PTPRK: variants seen among roughly 807,000 people sequenced by gnomAD.
PTPRK encodes protein tyrosine phosphatase receptor type K, also known as receptor-type tyrosine-protein phosphatase kappa.
In PTPRK, 75 loss-of-function variants were observed where a neutral mutation model predicts 178.0. The ratio of observed to expected loss-of-function variants is 0.42; its 90% CI spans 0.35 to 0.51. The LOEUF is 0.51. Ranked by LOEUF, PTPRK falls within the 20% of genes least tolerant of loss-of-function variation. The pLI, the probability that PTPRK is intolerant of heterozygous loss-of-function variation, is 0.02. For missense variants in PTPRK, 1,441 were observed against 1,797.8 expected, an observed-to-expected ratio of 0.80 and a Z score of 3.59; for synonymous variants, 637 against 620.6, an observed-to-expected ratio of 1.03 and a Z score of -0.39.
chr6:128,392,389 T>C (rs898584399), intron 2 of PTPRK, among the ~76,000 whole-genome samples: 1 of 152,232 alleles, frequency 6.6e-6, no homozygotes, highest in Admixed American at 6.5e-5. Flanking sequence ...TTTTAAATAC[T>C]ATCAAATAAG....
intron 3 of PTPRK, among the ~76,000 whole-genome samples, chr6:128,318,262 T>C (rs1339195): frequency 0.97 from 147,840 of 152,262 alleles, 71,913 homozygotes; most frequent in South Asian, 1. Context: ...CAAGTAAAAA[T>C]GGTCACTTGG....
At chr6:128,344,501 C>A (rs533931969) in intron 2 of PTPRK, among the ~76,000 whole-genome samples, 1 of 152,062 alleles carries the variant, frequency 6.6e-6, no homozygotes, top group East Asian at 1.9e-4. Context: ...ATTATTCAGT[C>A]TTTTATCCAC....
intron 9 of PTPRK, among the ~76,000 whole-genome samples, chr6:128,082,982 TTTATTA>T (rs958902896): frequency 6.6e-6 from 1 of 152,096 alleles, no homozygotes. Flanking sequence ...TCAACAAATT[TTTATTA>T]TTATTAACAT....
chr6:128,354,231 G>GGTTTTTTTTTTTTTTTTTTT (rs1562341681), intron 2 of PTPRK, among the ~76,000 whole-genome samples: 2 of 49,358 alleles, frequency 4.1e-5, no homozygotes, highest in African/African-American at 9.4e-5. Flanking sequence ...TTTTGTTTAT[G>GGTTTTTTTTTTTTTTTTTTT]TTTTTTTTTT....
rs1172450853 is a variant in PTPRK at position 128,520,424 on chromosome 6, A to G, written c.-66T>C. On this transcript the variant is annotated 5_prime_UTR_variant, in exon 1 of 30. Transcript: ENST00000368226. ...TGCCGGGGGGATCGCCGCGAAATCC[A>G]CGACGGAGGAGCGGGCCGGGCCTCG... 3 of 1,479,502 alleles carry G rather than the reference A, an allele frequency of 2.0e-6. No individual in the cohort carries two copies. The highest frequency in any genetic ancestry group is 2.8e-6 in the Non-Finnish European group (3 of 1,081,878). The allele number at this position is 1,479,502 out of a possible 1,614,324, so 91.6% of individuals were successfully genotyped here. A position where few individuals can be genotyped will look rare whatever the true frequency, so the allele number is the denominator to read the frequency against.
At position 128,433,826 on chromosome 6, in the gene PTPRK, GT is replaced by G. The variant is rs563277558; in HGVS notation, c.101-36139del. Among the ~76,000 whole-genome samples, 591 of 129,258 alleles carry G rather than the reference GT, an allele frequency of 4.6e-3. 4 individuals are homozygous for G. Among genetic ancestry groups the G allele is most frequent in the Middle Eastern group, 0.017 (4 of 236 alleles). The allele number at this position is 129,258 out of a possible 152,430, so 84.8% of individuals were successfully genotyped here. A position where few individuals can be genotyped will look rare whatever the true frequency, so the allele number is the denominator to read the frequency against. ...GCTACCATGCCCAGCCTCTAACACT[GT>G]TTTTTTTTTTTTTTTACAGACATTT... On this transcript the variant is annotated intron_variant, in intron 1 of 29. Transcript: ENST00000368226.
intron 24 of PTPRK, among the ~76,000 whole-genome samples, 173 bp downstream of exon 24, chr6:127,982,658 A>G (rs1029183949): frequency 1.3e-5 from 2 of 152,216 alleles, no homozygotes; most frequent in African/African-American, 4.8e-5. Flanking sequence ...GTAGATATAA[A>G]TTCATCAATA....
At chr6:128,508,784 AAC>A in intron 1 of PTPRK, among the ~76,000 whole-genome samples, 1 of 152,192 alleles carries the variant, frequency 6.6e-6, no homozygotes, top group Non-Finnish European at 1.5e-5. Flanking sequence ...CTCTACTAAA[AAC>A]ACAAAAAAAT....
Position 128,435,322 on chromosome 6 carries a change from A to G in PTPRK, c.101-37634T>C, listed in dbSNP as rs537153568. Reference sequence around the variant, plus strand: ...ATAATTTTCAAAATCTTAGTTTGCAATGGACATCCTGACAGGGTCTAAAAT... The same window carrying G: ...ATAATTTTCAAAATCTTAGTTTGCAGTGGACATCCTGACAGGGTCTAAAAT... On this transcript the variant is annotated intron_variant, in intron 1 of 29. Transcript: ENST00000368226. Among the ~76,000 whole-genome samples, 11 of 152,368 alleles carry G rather than the reference A, an allele frequency of 7.2e-5. No individual in the cohort carries two copies. In the East Asian group the frequency reaches 1.7e-3, roughly 24 times the overall value.
At chr6:128,468,942 C>T (rs1394960895) in intron 1 of PTPRK, among the ~76,000 whole-genome samples, 2 of 138,892 alleles carry the variant, frequency 1.4e-5, no homozygotes, top group African/African-American at 2.6e-5. Flanking sequence ...AAAAAAAAAC[C>T]TTAATGTATT....
chr6:128,380,448 T>C (rs1347634341), intron 2 of PTPRK, among the ~76,000 whole-genome samples: 1 of 151,920 alleles, frequency 6.6e-6, no homozygotes, highest in Non-Finnish European at 1.5e-5. Flanking sequence ...TGTTGTACTC[T>C]ATAGAATTCT....
intron 7 of PTPRK, among the ~76,000 whole-genome samples, chr6:128,134,776 C>T (rs1794769045): frequency 6.6e-6 from 1 of 152,084 alleles, no homozygotes; most frequent in Admixed American, 6.6e-5. Flanking sequence ...TGCACTCCAG[C>T]CTGGGTGACA....
intron 15 of PTPRK, among the ~76,000 whole-genome samples, chr6:128,003,546 T>C (rs1174307906): frequency 6.6e-6 from 1 of 151,806 alleles, no homozygotes; most frequent in Non-Finnish European, 1.5e-5. Context: ...TTTAAAGAAA[T>C]AATTATCTCA....
chr6:128,010,299 C>T (rs1457508296), intron 13 of PTPRK, among the ~76,000 whole-genome samples: 1 of 151,232 alleles, frequency 6.6e-6, no homozygotes, highest in Non-Finnish European at 1.5e-5. Context: ...GGGAAATTGC[C>T]TTGAAGCACC....
At chr6:128,508,759 A>G (rs1856733097) in intron 1 of PTPRK, among the ~76,000 whole-genome samples, 1 of 152,076 alleles carries the variant, frequency 6.6e-6, no homozygotes, top group Non-Finnish European at 1.5e-5. Context: ...CCTGGCCAAC[A>G]TGGCAAAATC....
intron 1 of PTPRK, among the ~76,000 whole-genome samples, chr6:128,466,783 A>T (rs1849898939): frequency 6.6e-6 from 1 of 152,202 alleles, no homozygotes; most frequent in Admixed American, 6.5e-5. Flanking sequence ...AAATGCACAC[A>T]ATATTTTTCA....
At chr6:128,328,382 A>G (rs1469792326) in intron 2 of PTPRK, among the ~76,000 whole-genome samples, 1 of 152,204 alleles carries the variant, frequency 6.6e-6, no homozygotes, top group Non-Finnish European at 1.5e-5. Context: ...GATTAGTTAG[A>G]TTACCAATTG....
chr6:128,279,402 T>C (rs1226963877), intron 3 of PTPRK, among the ~76,000 whole-genome samples: 2 of 152,104 alleles, frequency 1.3e-5, no homozygotes, highest in Non-Finnish European at 2.9e-5. Context: ...ACTCCAGCAT[T>C]AGATACCTTT....
chr6:128,489,551 T>A (rs950686445), intron 1 of PTPRK, among the ~76,000 whole-genome samples: 1 of 152,230 alleles, frequency 6.6e-6, no homozygotes, highest in Non-Finnish European at 1.5e-5. Context: ...ATAACTCTCT[T>A]AGTCATATAA....
Sources: allele counts gnomAD v4.1 joint callset (sites outside exome capture counted in the v4.1 genomes callset), GRCh38; gene constraint gnomAD v4.1.1; transcripts MANE v1.5; gene names NCBI Gene and HGNC (gene_info 2026-07-23, HGNC 2026-07-21).